PANX2: variants seen among roughly 807,000 people sequenced by gnomAD.
The protein encoded by PANX2 is pannexin 2.
PANX2 carries 30 observed loss-of-function variants against 38.7 expected under a neutral mutation model. That is an observed-to-expected ratio of 0.78 (90% CI 0.58 to 1.05). The LOEUF is 1.05. PANX2 is among the 50% of genes least tolerant of loss of function. The pLI is 0.00. For synonymous variants in PANX2, 539 were observed against 472.1 expected (o/e 1.14, Z -1.84); for missense variants, 880 against 979.3 (o/e 0.90, Z 1.35).
At chr22:50,171,484 G>A (rs1203115385) in intron 1 of PANX2, among the ~76,000 whole-genome samples, 1 of 152,190 alleles carries the variant, frequency 6.6e-6, no homozygotes, top group Non-Finnish European at 1.5e-5. Context: ...GTGCACTGGG[G>A]GCCTCCGAAG....
At chr22:50,172,107 G>C (rs889901653) in intron 1 of PANX2, among the ~76,000 whole-genome samples, 2 of 152,234 alleles carry the variant, frequency 1.3e-5, no homozygotes, top group African/African-American at 4.8e-5. Context: ...ACTCTGCAGA[G>C]CAGGGAGCCC....
chr22:50,171,738 G>C (rs775870150), intron 1 of PANX2, among the ~76,000 whole-genome samples: 3 of 152,214 alleles, frequency 2.0e-5, no homozygotes, highest in African/African-American at 7.2e-5. Context: ...GGCGAGACAG[G>C]TGGAGCCGAG....
At chr22:50,176,904 C>A in intron 1 of PANX2, 35 bp from the exon 2 acceptor site, 3 of 1,492,586 alleles carry the variant, frequency 2.0e-6, no homozygotes, top group Admixed American at 4.5e-5. Flanking sequence ...CCGTGCGCCT[C>A]CCCGCCCCAG....
At position 50,177,522 on chromosome 22, in the gene PANX2, T is replaced by A. The variant is rs770491849; in HGVS notation, c.810T>A (p.Gly270=). ...ALGASPDGAA[G]AGPAVRVSCK... Reference sequence around the variant, plus strand: ...GCGCGTCCCCGGACGGGGCGGCAGGTGCGGGGCCCGCGGTGCGCGTGAGCT... The same window carrying A: ...GCGCGTCCCCGGACGGGGCGGCAGGAGCGGGGCCCGCGGTGCGCGTGAGCT... Residue 270 remains glycine (G), a synonymous_variant, in exon 2 of 3, where the codon GGT becomes GGA. Coordinates refer to ENST00000395842, the MANE Select transcript of PANX2 (RefSeq NM_052839.4). 14 of 1,609,684 alleles carry A rather than the reference T, an allele frequency of 8.7e-6. No homozygotes were observed. The highest frequency in any genetic ancestry group is 1.3e-5 in the African/African-American group (1 of 74,970).
chr22:50,171,464 G>C (rs116160291), intron 1 of PANX2, among the ~76,000 whole-genome samples: 2,386 of 152,302 alleles, frequency 0.016, 67 homozygotes, highest in African/African-American at 0.055. Flanking sequence ...GCAGGGCGAG[G>C]CCTCTCCGGG....
rs1184371538 is a variant in PANX2 at position 50,176,926 on chromosome 22, T to C, written c.227-13T>C. Reference sequence around the variant, plus strand: ...CCTCCCCGCCCCAGCCCGTGTCTCCTCTTTGCCCCCAGAGGAACCCATTTA... The same window carrying C: ...CCTCCCCGCCCCAGCCCGTGTCTCCCCTTTGCCCCCAGAGGAACCCATTTA... On this transcript the variant is annotated splice_polypyrimidine_tract_variant and intron_variant, in intron 1 of 2. Coordinates refer to ENST00000395842, the MANE Select transcript of PANX2 (RefSeq NM_052839.4). 2 of 1,515,084 alleles carry C rather than the reference T, an allele frequency of 1.3e-6. No homozygotes were observed. The highest frequency in any genetic ancestry group is 2.1e-5 in the Admixed American group (1 of 48,298). The allele number at this position is 1,515,084 out of a possible 1,614,324, so 93.9% of individuals were successfully genotyped here. A position where few individuals can be genotyped will look rare whatever the true frequency, so the allele number is the denominator to read the frequency against.
In PANX2 at chr22:50,177,881, A is replaced by G. The variant is rs772456078; in HGVS notation, c.1169A>G (p.Asn390Ser). 13 of 1,549,812 alleles carry G rather than the reference A, an allele frequency of 8.4e-6. No homozygotes were observed. The highest frequency in any genetic ancestry group is 1.1e-5 in the Non-Finnish European group (13 of 1,153,118). The change falls in exon 2 of 3, where the codon AAC becomes AGC. Residue 390 changes from asparagine to serine, a missense_variant. Around this residue, in one of 4 missense-constraint regions of PANX2, gnomAD observed 78 missense variants for 133.1 expected, o/e 0.59. Coordinates refer to ENST00000395842, the MANE Select transcript of PANX2 (RefSeq NM_052839.4). ...RQLLAALAQS[N>S]HDATPTVRDS... Reference sequence around the variant, plus strand: ...CTGCTGGCGGCGCTGGCGCAGTCCAACCACGACGCCACCCCCACGGTGCGC... The same window carrying G: ...CTGCTGGCGGCGCTGGCGCAGTCCAGCCACGACGCCACCCCCACGGTGCGC...
chr22:50,170,991 G>GA (rs2063626630), intron 1 of PANX2, 35 bp downstream of exon 1: 2 of 1,251,074 alleles, frequency 1.6e-6, no homozygotes, highest in East Asian at 6.3e-5. Flanking sequence ...GGCGCGGGCA[G>GA]AGGGGGCGTC....
intron 1 of PANX2, among the ~76,000 whole-genome samples, chr22:50,172,938 C>T (rs1223224941): frequency 2.7e-5 from 4 of 149,656 alleles, no homozygotes; most frequent in Non-Finnish European, 5.9e-5. Context: ...GCTCTGTCAC[C>T]CAGGCTGGAG....
chr22:50,172,963 C>T (rs951419783), intron 1 of PANX2, among the ~76,000 whole-genome samples: 6 of 147,576 alleles, frequency 4.1e-5, no homozygotes, highest in African/African-American at 1.5e-4. Flanking sequence ...GTGGCGCGAT[C>T]TCTGCTCACT....
At chr22:50,174,144 G>C (rs1353715400) in intron 1 of PANX2, among the ~76,000 whole-genome samples, 1 of 152,206 alleles carries the variant, frequency 6.6e-6, no homozygotes, top group African/African-American at 2.4e-5. Context: ...TTGGCCAGCA[G>C]GCAGGAGGAG....
rs890231573 is a variant in PANX2 at position 50,171,002 on chromosome 22, CG to C, written c.226+47del. On this transcript the variant is annotated intron_variant, in intron 1 of 2. Transcript: ENST00000395842. ...GCGGGGCGCGGGCAGAGGGGGCGTC[CG>C]CAGGTGTCCGGGAGCTGGCGCTTCC... The C allele has an allele frequency of 6.4e-6, 7 of 1,090,618 alleles. No homozygotes were observed. The African/African-American group carries it at 1.2e-4, about 18-fold the overall frequency. The allele number at this position is 1,090,618 out of a possible 1,614,324, so 67.6% of individuals were successfully genotyped here.
At chr22:50,172,465 T>C (rs1569065467) in intron 1 of PANX2, among the ~76,000 whole-genome samples, 1 of 152,068 alleles carries the variant, frequency 6.6e-6, no homozygotes, top group Non-Finnish European at 1.5e-5. Flanking sequence ...AGAGTCTTGG[T>C]ATGTCGCCCA....
Position 50,170,781 on chromosome 22 carries a change from G to T in PANX2, c.51G>T (p.Ala17=), listed in dbSNP as rs2147055770. 1 of 1,403,958 alleles carries T rather than the reference G, an allele frequency of 7.1e-7. No homozygotes were observed. Among genetic ancestry groups the T allele is most frequent in the Non-Finnish European group, 9.4e-7 (1 of 1,067,258 alleles). 87.0% of individuals were successfully genotyped at this position (1,403,958 alleles called of 1,614,324 possible). A position where few individuals can be genotyped will look rare whatever the true frequency, so the allele number is the denominator to read the frequency against. The change falls in exon 1 of 3, where the codon GCG becomes GCT. Residue 17 remains alanine, a synonymous_variant. Transcript: ENST00000395842. ...QSADMATALL[A]GEKLRELILP... ...CGGACATGGCGACCGCGCTGCTGGC[G>T]GGAGAGAAGCTGCGGGAGCTGATCC...
rs769937375 is a variant in PANX2, at chr22:50,178,032, G to T, written c.1320G>T (p.Pro440=). Residue 440 remains proline, a synonymous_variant, in exon 2 of 3, where the codon CCG becomes CCT. Coordinates refer to ENST00000395842, the MANE Select transcript of PANX2 (RefSeq NM_052839.4). ...GGATCCCCACCAGCAACCCGCTTCC[G>T]CAGCCCTTCAAGGAGCCGCTGGCCA... ...MKWIPTSNPL[P]QPFKEPLAIM... The T allele has an allele frequency of 2.5e-5, 38 of 1,549,454 alleles. No individual in the cohort carries two copies. Among genetic ancestry groups the T allele is most frequent in the Non-Finnish European group, 2.3e-5 (27 of 1,153,872 alleles).
At chr22:50,174,149 G>A (rs1405572746) in intron 1 of PANX2, among the ~76,000 whole-genome samples, 3 of 152,186 alleles carry the variant, frequency 2.0e-5, no homozygotes, top group African/African-American at 4.8e-5. Flanking sequence ...CAGCAGGCAG[G>A]AGGAGGCTGC....
Position 50,179,246 on chromosome 22 carries a change from C to G in PANX2, c.2003C>G (p.Pro668Arg), listed in dbSNP as rs775228255. The change falls in exon 3 of 3, where the codon CCG becomes CGG. Residue 668 changes from proline to arginine, a missense_variant. Pro to Arg is a moderately radical substitution (Grantham distance 103). This residue lies in a region of PANX2 where 445 missense variants were observed against 404.3 expected (regional missense o/e 1.10). Coordinates refer to ENST00000395842, the MANE Select transcript of PANX2 (RefSeq NM_052839.4). ...QQILIATFDE[P>R]RTVVSTVEF ...ATCCTCATCGCCACCTTCGACGAGC[C>G]GAGAACGGTCGTGAGTACTGTGGAG... is the stretch of plus-strand genomic sequence containing the variant. The G allele has an allele frequency of 6.2e-7, 1 of 1,612,688 alleles. No individual in the cohort carries two copies. The highest frequency in any genetic ancestry group is 8.5e-7 in the Non-Finnish European group (1 of 1,179,874).
intron 1 of PANX2, among the ~76,000 whole-genome samples, chr22:50,172,064 GA>G (rs2063635348): frequency 6.6e-6 from 1 of 152,210 alleles, no homozygotes; most frequent in East Asian, 1.9e-4. Flanking sequence ...AGACCCCGGG[GA>G]TTAGAGGACC....
At chr22:50,171,990 G>T (rs949643286) in intron 1 of PANX2, among the ~76,000 whole-genome samples, 2 of 152,206 alleles carry the variant, frequency 1.3e-5, no homozygotes, top group African/African-American at 4.8e-5. Flanking sequence ...CATTGGCCAG[G>T]CTGTCTGATC....
Sources: allele counts gnomAD v4.1 joint callset (sites outside exome capture counted in the v4.1 genomes callset), GRCh38; gene constraint gnomAD v4.1.1; regional missense constraint gnomAD v4.1.1; transcripts MANE v1.5; gene names NCBI Gene and HGNC (gene_info 2026-07-23, HGNC 2026-07-21).